Variants in SYNPR observed in about 807,000 individuals in gnomAD.
SYNPR encodes the protein synaptoporin.
SYNPR carries 23 observed loss-of-function variants against 32.9 expected under a neutral mutation model. That is an observed-to-expected ratio of 0.70 (90% CI 0.50 to 0.99). SYNPR has a LOEUF of 0.99. Among genes scored for constraint, SYNPR ranks in the 50% least tolerant of loss-of-function variants. SYNPR has a pLI of 0.00. For synonymous variants in SYNPR, 146 were observed against 135.9 expected (o/e 1.07, Z -0.52); for missense variants, 318 against 349.3 (o/e 0.91, Z 0.71).
chr3:63,253,967 C>A (rs1179870083), intron 2 of SYNPR, among the ~76,000 whole-genome samples: 1 of 152,108 alleles, frequency 6.6e-6, no homozygotes. Context: ...CACATATACA[C>A]CATGGAATAC....
chr3:63,526,140 C>A (rs992333344), intron 3 of SYNPR, among the ~76,000 whole-genome samples: 4 of 152,214 alleles, frequency 2.6e-5, no homozygotes, highest in African/African-American at 9.6e-5. Flanking sequence ...GATCTGCCCC[C>A]ACAAGGCTCC....
At chr3:63,275,173 C>A (rs147717933), upstream of SYNPR, among the ~76,000 whole-genome samples, 38 of 152,288 alleles carry the variant, frequency 2.5e-4, no homozygotes, top group East Asian at 7.0e-3. Flanking sequence ...TAATGGGTCA[C>A]CCTTAACCAC....
At chr3:63,233,484 C>CT (rs1184855528) in intron 1 of SYNPR, among the ~76,000 whole-genome samples, 2 of 152,020 alleles carry the variant, frequency 1.3e-5, no homozygotes, top group African/African-American at 4.8e-5. Flanking sequence ...TCCCATTACT[C>CT]TGACTTTACC....
Position 63,464,952 on chromosome 3 carries a change from C to T in SYNPR, c.85-15880C>T, listed in dbSNP as rs1700650441. Among the ~76,000 whole-genome samples the T allele has an allele frequency of 3.9e-5, 6 of 152,270 alleles. No homozygotes were observed. In the South Asian group the frequency reaches 1.2e-3, roughly 32 times the overall value. On this transcript the variant is annotated intron_variant, in intron 2 of 5. Coordinates refer to ENST00000478300, the MANE Select transcript of SYNPR (RefSeq NM_001130003.2). Reference sequence around the variant, plus strand: ...CATCCCTGCAGTCTCTTCTGCAGTGCTGGAGTTGATGGGATACTTATGTCT... The same window carrying T: ...CATCCCTGCAGTCTCTTCTGCAGTGTTGGAGTTGATGGGATACTTATGTCT...
At chr3:63,550,994 T>C (rs1295240740) in intron 3 of SYNPR, among the ~76,000 whole-genome samples, 1 of 152,208 alleles carries the variant, frequency 6.6e-6, no homozygotes, top group African/African-American at 2.4e-5. Context: ...AGGAGCTTGG[T>C]ACGTGTTCTT....
chr3:63,450,062 A>G (rs1267617665), intron 2 of SYNPR, among the ~76,000 whole-genome samples: 3 of 152,218 alleles, frequency 2.0e-5, no homozygotes, highest in Non-Finnish European at 4.4e-5. Flanking sequence ...AAGCAGTTCA[A>G]TAAGGGCAGC....
At chr3:63,497,580 C>A (rs548429125) in intron 3 of SYNPR, among the ~76,000 whole-genome samples, 1 of 149,830 alleles carries the variant, frequency 6.7e-6, no homozygotes. Flanking sequence ...TCAGTGTGAA[C>A]CACCATCTTT....
intron 4 of SYNPR, among the ~76,000 whole-genome samples, chr3:63,601,228 G>A (rs1220034132): frequency 4.6e-5 from 7 of 151,310 alleles, no homozygotes; most frequent in South Asian, 4.2e-4. Flanking sequence ...AGCCGAGATC[G>A]TGCCATTGCA....
At chr3:63,511,525 T>A (rs1701699507) in intron 3 of SYNPR, among the ~76,000 whole-genome samples, 1 of 152,158 alleles carries the variant, frequency 6.6e-6, no homozygotes, top group Non-Finnish European at 1.5e-5. Context: ...GTATTTATAA[T>A]CCAAGAAGGC....
chr3:63,585,964 T>C (rs1365738291), intron 4 of SYNPR, among the ~76,000 whole-genome samples: 1 of 152,136 alleles, frequency 6.6e-6, no homozygotes, highest in Non-Finnish European at 1.5e-5. Context: ...AGTCATCTTC[T>C]TGAGGAATGG....
intron 2 of SYNPR, among the ~76,000 whole-genome samples, chr3:63,407,726 T>C (rs920976533): frequency 6.6e-6 from 1 of 152,168 alleles, no homozygotes; most frequent in Non-Finnish European, 1.5e-5. Flanking sequence ...CAATTTTATC[T>C]TGTTGGAGAG....
At chr3:63,344,550 A>ATTTTTTTTTTTT (rs10627844) in intron 2 of SYNPR, among the ~76,000 whole-genome samples, 3 of 130,578 alleles carry the variant, frequency 2.3e-5, no homozygotes, top group African/African-American at 2.9e-5. Context: ...TTCAAAAAAG[A>ATTTTTTTTTTTT]TTTTTTTTTT....
chr3:63,245,695 G>A (rs1317284265), intron 1 of SYNPR, among the ~76,000 whole-genome samples: 1 of 71,976 alleles, frequency 1.4e-5, no homozygotes, highest in East Asian at 2.3e-4. Context: ...GAGAGAGAGA[G>A]AGAGAGAGAG....
At chr3:63,357,800 A>G (rs997425948) in intron 2 of SYNPR, among the ~76,000 whole-genome samples, 6 of 152,186 alleles carry the variant, frequency 3.9e-5, no homozygotes, top group Non-Finnish European at 8.8e-5. Context: ...ATTAGCATCT[A>G]AGGAGATTAT....
At chr3:63,288,252 G>A (rs17375690) in intron 2 of SYNPR, among the ~76,000 whole-genome samples, 13,681 of 152,178 alleles carry the variant, frequency 0.09, 827 homozygotes, top group Non-Finnish European at 0.14. Flanking sequence ...CATGATATTC[G>A]AAACATTCCC....
At chr3:63,396,786 A>G (rs2088219885) in intron 2 of SYNPR, among the ~76,000 whole-genome samples, 1 of 152,214 alleles carries the variant, frequency 6.6e-6, no homozygotes, top group African/African-American at 2.4e-5. Context: ...AGACAGAATA[A>G]GAGGGAACAG....
At chr3:63,471,607 A>T (rs894478051) in intron 2 of SYNPR, among the ~76,000 whole-genome samples, 5 of 152,214 alleles carry the variant, frequency 3.3e-5, no homozygotes, top group Non-Finnish European at 7.3e-5. Context: ...CTGTATAGGG[A>T]GTGGAGCATG....
intron 2 of SYNPR, among the ~76,000 whole-genome samples, chr3:63,301,133 A>T (rs2086841277): frequency 6.6e-6 from 1 of 152,094 alleles, no homozygotes; most frequent in Admixed American, 6.6e-5. Flanking sequence ...CAGCTCCCTC[A>T]TTGGAAAAAT....
intron 2 of SYNPR, among the ~76,000 whole-genome samples, chr3:63,292,505 T>C (rs558856880): frequency 1.3e-5 from 2 of 152,368 alleles, no homozygotes; most frequent in Admixed American, 6.5e-5. Context: ...TGGATTTGAC[T>C]GTCAGCTCCA....
Sources: gnomAD v4.1 joint callset for allele counts (sites outside exome capture counted in the v4.1 genomes callset) on GRCh38, gnomAD v4.1.1 for gene constraint, MANE v1.5 for transcripts, NCBI Gene and HGNC (gene_info 2026-07-23, HGNC 2026-07-21) for gene names.